The following WNK1 variants were observed in gnomAD, a reference collection of about 807,000 sequenced individuals.
WNK1 encodes the protein WNK lysine deficient protein kinase 1, also known as serine/threonine-protein kinase WNK1.
A neutral mutation model predicts 222.8 loss-of-function variants in WNK1; 38 were observed. The ratio of observed to expected loss-of-function variants is 0.17; its 90% confidence interval spans 0.13 to 0.22. The LOEUF is 0.22. WNK1 is among the 10% of genes least tolerant of loss of function. The pLI is 1.00. For synonymous variants in WNK1, 1,090 were observed against 1,092.9 expected (o/e 1.00, Z 0.05); for missense variants, 2,348 against 2,918.4 (o/e 0.80, Z 4.50).
chr12:777,722 T>A (rs1456760256), intron 1 of WNK1, among the ~76,000 whole-genome samples: 1 of 152,150 alleles, frequency 6.6e-6, no homozygotes, highest in Non-Finnish European at 1.5e-5. Flanking sequence ...GTAAATAGTA[T>A]CTATTAAAAT....
At chr12:817,973 A>G (rs912103849) in intron 2 of WNK1, among the ~76,000 whole-genome samples, 1 of 152,310 alleles carries the variant, frequency 6.6e-6, no homozygotes, top group Middle Eastern at 3.4e-3. Context: ...AAGAAAAAAA[A>G]TTTGGATTAA....
rs528212534 is a variant in WNK1, at chr12:762,324, C to T, written c.759+8000C>T. ...ATCCATCTGCCTCTGCCTCCCAAAA[C>T]GCTGGGATTACAGGTGTGGCTCCTC... On this transcript the variant is annotated intron_variant, in intron 1 of 27. Transcript: ENST00000315939. Among the ~76,000 whole-genome samples the T allele has an allele frequency of 5.4e-5, 8 of 147,508 alleles. 1 individual carries two copies. The highest frequency in any genetic ancestry group is 1.9e-4 in the African/African-American group (8 of 41,194).
At chr12:786,586 G>C (rs1456783888) in intron 1 of WNK1, among the ~76,000 whole-genome samples, 2 of 151,100 alleles carry the variant, frequency 1.3e-5, no homozygotes, top group Non-Finnish European at 2.9e-5. Context: ...TCCTGCCTCA[G>C]TTTCCTGAGT....
chr12:873,741 A>G (rs1952365019), intron 9 of WNK1, among the ~76,000 whole-genome samples: 1 of 152,152 alleles, frequency 6.6e-6, no homozygotes, highest in Non-Finnish European at 1.5e-5. Context: ...TTTTTGTACT[A>G]TATGGATAGT....
intron 23 of WNK1, among the ~76,000 whole-genome samples, chr12:895,720 A>G (rs575687675): frequency 1.2e-3 from 186 of 152,310 alleles, no homozygotes; most frequent in African/African-American, 4.3e-3. Context: ...CAGCCTCCCA[A>G]AATGGTGGGC....
At chr12:847,801 C>CTTTTTTTTTTTTTTTTTTTTTTT (rs898832948) in intron 4 of WNK1, among the ~76,000 whole-genome samples, 1 of 68,642 alleles carries the variant, frequency 1.5e-5, no homozygotes, top group Admixed American at 2.1e-4. Flanking sequence ...GATTAATTCT[C>CTTTTTTTTTTTTTTTTTTTTTTT]TTTTTTTTTT....
At position 819,794 on chromosome 12, in the gene WNK1, A is replaced by G. The variant is rs74391482; in HGVS notation, c.932+5980A>G. 1.1e-3 allele frequency among the ~76,000 whole-genome samples: 174 copies of G among 152,258 alleles called. 4 individuals carry two copies. The East Asian group carries it at 0.033, about 29-fold the overall frequency. ...TTCATTCTTTTACATGTTGATGTCCAGTTATCCCAGCATCATTTGTTGAAG... is the reference window on the plus strand; with the variant it reads ...TTCATTCTTTTACATGTTGATGTCCGGTTATCCCAGCATCATTTGTTGAAG... On this transcript the variant is annotated intron_variant, in intron 2 of 27. Transcript: ENST00000315939.
chr12:894,413 C>T, intron 22 of WNK1, 149 bp from the exon 23 acceptor site: 1 of 700,470 alleles, frequency 1.4e-6, no homozygotes, highest in Admixed American at 2.1e-5. Context: ...TTGGACAGAG[C>T]CTCATGGAGG....
Position 796,809 on chromosome 12 carries a change from T to A in WNK1, c.760-16833T>A, listed in dbSNP as rs77358504. ...ATTCTCCCTCATCTGTACCAATATA[T>A]CAACCAAAAATGATCTTCCTAAGTC... is the stretch of plus-strand genomic sequence containing the variant. On this transcript the variant is annotated intron_variant, in intron 1 of 27. Transcript: ENST00000315939. Among the ~76,000 whole-genome samples the A allele has an allele frequency of 4.2e-3, 639 of 152,266 alleles. 4 individuals carry two copies. The highest frequency in any genetic ancestry group is 0.014 in the African/African-American group (600 of 41,552).
At chr12:843,240 G>C (rs1239267721) in intron 4 of WNK1, among the ~76,000 whole-genome samples, 1 of 152,070 alleles carries the variant, frequency 6.6e-6, no homozygotes, top group African/African-American at 2.4e-5. Context: ...CCTGGCCCAG[G>C]CTTGAGTGAT....
chr12:844,074 A>T (rs1233776537), intron 4 of WNK1, among the ~76,000 whole-genome samples: 2 of 152,170 alleles, frequency 1.3e-5, no homozygotes, highest in East Asian at 3.8e-4. Flanking sequence ...TAGCATTTAT[A>T]TGCAATTTTG....
intron 8 of WNK1, among the ~76,000 whole-genome samples, chr12:863,690 C>CA (rs1427445230): frequency 1.3e-5 from 2 of 152,132 alleles, no homozygotes; most frequent in African/African-American, 4.8e-5. Flanking sequence ...GCTCTAAAAG[C>CA]AGACGTTCTT....
intron 4 of WNK1, among the ~76,000 whole-genome samples, chr12:830,643 A>G (rs1948721086): frequency 6.6e-6 from 1 of 152,224 alleles, no homozygotes. Context: ...TAAATTACTC[A>G]TGGTAGTTCA....
intron 7 of WNK1, 29 bp from the exon 8 acceptor site, chr12:862,054 T>G (rs1565536408): frequency 6.2e-7 from 1 of 1,600,974 alleles, no homozygotes; most frequent in African/African-American, 1.3e-5. Flanking sequence ...TCTCTCTCTC[T>G]TTTTTTTGGC....
chr12:862,223 G>A lies in WNK1; in HGVS notation c.2092G>A (p.Val698Ile), dbSNP rs764336343. The A allele has an allele frequency of 8.6e-5, 138 of 1,613,950 alleles. No individual in the cohort carries two copies. Among genetic ancestry groups the A allele is most frequent in the Non-Finnish European group, 1.1e-4 (130 of 1,179,994 alleles). Residue 698 changes from valine (V) to isoleucine (I), a missense_variant, in exon 8 of 28, where the codon GTC becomes ATC. Physicochemically the swap from Val to Ile is conservative, Grantham distance 29. Transcript: ENST00000315939. ...AGTCCCAGGGCATATACCTTCTACTGTCCAAGCACAGTCTCAGCCCCATGG... is the reference window on the plus strand; with the variant it reads ...AGTCCCAGGGCATATACCTTCTACTATCCAAGCACAGTCTCAGCCCCATGG... Reference protein sequence around the residue: ...GTVPGHIPSTVQAQSQPHGVY... With the variant: ...GTVPGHIPSTIQAQSQPHGVY...
chr12:754,426 A>C, intron 1 of WNK1, 102 bp downstream of exon 1: 1 of 1,499,758 alleles, frequency 6.7e-7, no homozygotes, highest in African/African-American at 1.4e-5. Context: ...TCTCTGTTGG[A>C]CTCCGAGTGG....
At chr12:883,372 C>T in intron 15 of WNK1, 23 bp from the exon 16 acceptor site, 1 of 1,613,740 alleles carries the variant, frequency 6.2e-7, no homozygotes. Context: ...ACTAATTAGA[C>T]TGACATCACA....
At chr12:864,181 C>T (rs1276559028) in intron 8 of WNK1, among the ~76,000 whole-genome samples, 1 of 148,322 alleles carries the variant, frequency 6.7e-6, no homozygotes, top group Non-Finnish European at 1.5e-5. Flanking sequence ...GATCTTGGCT[C>T]ACTGCAACTT....
intron 5 of WNK1, 142 bp downstream of exon 5, chr12:857,391 G>GCCTGAACA: frequency 1.2e-6 from 1 of 832,966 alleles, no homozygotes; most frequent in Non-Finnish European, 2.0e-6. Context: ...TAAAGGTAGG[G>GCCTGAACA]TTTTGTTCAT....
Sources: allele counts gnomAD v4.1 joint callset (sites outside exome capture counted in the v4.1 genomes callset), GRCh38; gene constraint gnomAD v4.1.1; transcripts MANE v1.5; gene names NCBI Gene and HGNC (gene_info 2026-07-23, HGNC 2026-07-21).